Variants in SPAG16 observed in about 807,000 individuals in gnomAD.
The protein encoded by SPAG16 is sperm-associated antigen 16 protein.
A neutral mutation model predicts 80.4 loss-of-function variants in SPAG16; 86 were observed. The observed-to-expected ratio is 1.07, with a 90% confidence interval of 0.90 to 1.28. SPAG16 has a LOEUF of 1.28. SPAG16 is among the 50% of genes most tolerant of loss of function. The pLI, the probability that SPAG16 is intolerant of heterozygous loss-of-function variation, is 0.00. For missense variants in SPAG16, 870 were observed against 765.3 expected, an observed-to-expected ratio of 1.14 and a Z score of -1.61; for synonymous variants, 294 against 265.9, an observed-to-expected ratio of 1.11 and a Z score of -1.03.
chr2:213,702,486 C>T (rs1387690510), intron 10 of SPAG16, among the ~76,000 whole-genome samples: 1 of 152,210 alleles, frequency 6.6e-6, no homozygotes, highest in African/African-American at 2.4e-5. Flanking sequence ...AAGGAACAAA[C>T]AACTCCAGCC....
chr2:214,009,237 A>T (rs537867060), intron 12 of SPAG16, among the ~76,000 whole-genome samples: 2 of 151,800 alleles, frequency 1.3e-5, no homozygotes, highest in Admixed American at 1.3e-4. Context: ...GCTACCCTAC[A>T]CTCCAAATTT....
At chr2:213,824,379 T>C (rs1012047152) in intron 10 of SPAG16, among the ~76,000 whole-genome samples, 2 of 152,232 alleles carry the variant, frequency 1.3e-5, no homozygotes. Flanking sequence ...TTTGAGGTCT[T>C]AGGTTTAAGT....
chr2:213,338,948 T>C (rs1166031268), intron 5 of SPAG16, among the ~76,000 whole-genome samples: 1 of 151,360 alleles, frequency 6.6e-6, no homozygotes, highest in South Asian at 2.1e-4. Context: ...GATGGGTTGA[T>C]AGGTGCAGTA....
intron 6 of SPAG16, among the ~76,000 whole-genome samples, chr2:213,342,302 A>G (rs2064730232): frequency 7.0e-6 from 1 of 143,604 alleles, no homozygotes; most frequent in East Asian, 2.0e-4. Context: ...TATATGACAT[A>G]TGTGTATATA....
chr2:213,840,409 TCAGA>T (rs2074307410), intron 10 of SPAG16, among the ~76,000 whole-genome samples: 1 of 152,074 alleles, frequency 6.6e-6, no homozygotes. Flanking sequence ...TCCCACAATC[TCAGA>T]CAAACTCTGA....
intron 15 of SPAG16, among the ~76,000 whole-genome samples, chr2:214,250,765 G>GAA (rs1690226866): frequency 7.3e-6 from 1 of 136,778 alleles, no homozygotes; most frequent in African/African-American, 2.6e-5. Context: ...TATAGAGAGA[G>GAA]AGAGAGAGAG....
chr2:214,089,514 C>T (rs10490492), intron 13 of SPAG16, among the ~76,000 whole-genome samples: 13,410 of 151,938 alleles, frequency 0.088, 764 homozygotes, highest in East Asian at 0.28. Context: ...ATGCTTCGGA[C>T]CTTTCTCTAC....
chr2:213,936,367 G>A (rs1195328754), intron 12 of SPAG16, among the ~76,000 whole-genome samples: 2 of 152,154 alleles, frequency 1.3e-5, no homozygotes, highest in African/African-American at 4.8e-5. Context: ...AACCATTAGT[G>A]GGTTTTGAGC....
At chr2:213,643,877 T>G (rs546703440) in intron 10 of SPAG16, among the ~76,000 whole-genome samples, 1 of 145,554 alleles carries the variant, frequency 6.9e-6, no homozygotes, top group African/African-American at 2.6e-5. Context: ...ACCTCCCCAG[T>G]TCAAGCAATT....
chr2:214,372,248 T>C (rs751789168), intron 15 of SPAG16, among the ~76,000 whole-genome samples: 5 of 152,206 alleles, frequency 3.3e-5, no homozygotes, highest in Non-Finnish European at 7.3e-5. Context: ...GTCTCTATTA[T>C]AGAAATTGTA....
At chr2:213,858,400 A>G (rs1395642164) in intron 10 of SPAG16, among the ~76,000 whole-genome samples, 2 of 152,202 alleles carry the variant, frequency 1.3e-5, no homozygotes, top group Admixed American at 1.3e-4. Flanking sequence ...CCACCAGCAG[A>G]AAGATTATGA....
chr2:213,490,153 C>G, intron 10 of SPAG16, 63 bp downstream of exon 10: 1 of 1,432,506 alleles, frequency 7.0e-7, no homozygotes, highest in Non-Finnish European at 9.4e-7. Flanking sequence ...AATTTTAATG[C>G]TCTTACAGCC....
At chr2:213,583,855 T>C (rs1468719673) in intron 10 of SPAG16, among the ~76,000 whole-genome samples, 1 of 152,210 alleles carries the variant, frequency 6.6e-6, no homozygotes, top group Non-Finnish European at 1.5e-5. Context: ...CAATTTGAGA[T>C]TGTAGTACCT....
At chr2:213,694,246 T>C (rs2065068843) in intron 10 of SPAG16, among the ~76,000 whole-genome samples, 1 of 152,092 alleles carries the variant, frequency 6.6e-6, no homozygotes, top group Non-Finnish European at 1.5e-5. Context: ...CACAGTAAAA[T>C]TTATGGACAA....
intron 15 of SPAG16, among the ~76,000 whole-genome samples, chr2:214,227,511 A>G (rs2058723025): frequency 6.6e-6 from 1 of 151,900 alleles, no homozygotes; most frequent in African/African-American, 2.4e-5. Flanking sequence ...CCATATCCCA[A>G]AGACCCGTAT....
chr2:214,177,916 C>CATATATATATATATATATAT (rs10622953), intron 15 of SPAG16, among the ~76,000 whole-genome samples: 3 of 92,204 alleles, frequency 3.3e-5, no homozygotes, highest in Admixed American at 1.2e-4. Context: ...TATATATATA[C>CATATATATATATATATATAT]ATATATATAT....
intron 15 of SPAG16, among the ~76,000 whole-genome samples, chr2:214,371,774 G>A (rs542177722): frequency 6.7e-5 from 10 of 149,142 alleles, no homozygotes; most frequent in South Asian, 4.3e-4. Flanking sequence ...TCCGCCTCCC[G>A]GGTTCAAGCC....
rs1169863418 is a variant in SPAG16, at chr2:214,177,985, A to G, written c.1720+28719A>G. Reference sequence around the variant, plus strand: ...ACAAAGTGTATGTATATATATATATATATATATATATATATATATATATAT... The same window carrying G: ...ACAAAGTGTATGTATATATATATATGTATATATATATATATATATATATAT... On this transcript the variant is annotated intron_variant, in intron 15 of 15. Coordinates refer to ENST00000331683, the MANE Select transcript of SPAG16 (RefSeq NM_024532.5). Among the ~76,000 whole-genome samples the G allele has an allele frequency of 5.4e-4, 20 of 37,110 alleles. 2 individuals carry two copies. In the South Asian group the frequency reaches 5.8e-3, roughly 11 times the overall value. 24.3% of individuals were successfully genotyped at this position (37,110 alleles called of 152,430 possible).
At chr2:214,015,460 C>T (rs762811797) in intron 13 of SPAG16, among the ~76,000 whole-genome samples, 9 of 151,722 alleles carry the variant, frequency 5.9e-5, no homozygotes, top group Non-Finnish European at 7.4e-5. Flanking sequence ...TGGCTGGGTG[C>T]GGTGGTGCAT....
Sources: allele counts gnomAD v4.1 joint callset (sites outside exome capture counted in the v4.1 genomes callset), GRCh38; gene constraint gnomAD v4.1.1; transcripts MANE v1.5; gene names NCBI Gene and HGNC (gene_info 2026-07-23, HGNC 2026-07-21).